ANKRD36B: variants seen among roughly 807,000 people sequenced by gnomAD.
ANKRD36B encodes the protein ankyrin repeat domain-containing protein 36B.
A neutral mutation model predicts 135.7 loss-of-function variants in ANKRD36B; 37 were observed. The observed-to-expected ratio is 0.27, with a 90% CI of 0.21 to 0.36. The LOEUF (loss-of-function observed/expected upper bound fraction) is 0.36, where lower values mean the gene tolerates loss of function less well. Ranked by LOEUF, ANKRD36B falls within the 10% of genes least tolerant of loss-of-function variation. The pLI is 1.00. For synonymous variants in ANKRD36B, 179 were observed against 348.1 expected (o/e 0.51, Z 5.41); for missense variants, 549 against 1,037.1 (o/e 0.53, Z 6.46).
At chr2:97,562,329 T>C (rs11893003) in intron 6 of ANKRD36B, among the ~76,000 whole-genome samples, 5,566 of 152,086 alleles carry the variant, frequency 0.037, 360 homozygotes, top group African/African-American at 0.13. Context: ...TGATTCCTTT[T>C]TTTTAAAATC....
chr2:97,496,765 G>GA (rs1348134760), intron 43 of ANKRD36B, among the ~76,000 whole-genome samples: 8 of 80,958 alleles, frequency 9.9e-5, no homozygotes, highest in Non-Finnish European at 1.2e-4. Flanking sequence ...CTATTGTCCA[G>GA]AAAACGTGTG....
At chr2:97,589,241 A>C (rs1236726959) in intron 1 of ANKRD36B, among the ~76,000 whole-genome samples, 11 of 77,738 alleles carry the variant, frequency 1.4e-4, no homozygotes, top group Non-Finnish European at 2.0e-4. Context: ...CCACGCCCCT[A>C]CCCCCCAAGC....
rs371603113 is a variant in ANKRD36B, at chr2:97,531,328, C to T, written c.2265+983G>A. On this transcript the variant is annotated intron_variant, in intron 35 of 43. Transcript: ENST00000359901. ...AGGACAAAAAACCAAACACTGCATG[C>T]TCTCACTCATAGGTGGGAATTGAAC... is the stretch of plus-strand genomic sequence containing the variant. Among the ~76,000 whole-genome samples the T allele has an allele frequency of 7.9e-5, 6 of 76,202 alleles. No homozygotes were observed. The East Asian group carries it at 1.4e-3, about 18-fold the overall frequency. The allele number at this position is 76,202 out of a possible 152,430, so 50.0% of individuals were successfully genotyped here. A position where few individuals can be genotyped will look rare whatever the true frequency, so the allele number is the denominator to read the frequency against.
chr2:97,579,522 C>T (rs2922605), intron 4 of ANKRD36B, among the ~76,000 whole-genome samples: 3 of 143,712 alleles, frequency 2.1e-5, no homozygotes, highest in African/African-American at 7.6e-5. Flanking sequence ...TAATTAAACA[C>T]TATATATATA....
intron 14 of ANKRD36B, among the ~76,000 whole-genome samples, chr2:97,554,531 G>A (rs1347818768): frequency 7.2e-5 from 11 of 151,804 alleles, no homozygotes; most frequent in Non-Finnish European, 1.6e-4. Flanking sequence ...GTTCACTCAG[G>A]TCTCCTCAGC....
chr2:97,548,521 C>T (rs1295472862), intron 20 of ANKRD36B, among the ~76,000 whole-genome samples: 5 of 151,932 alleles, frequency 3.3e-5, no homozygotes, highest in African/African-American at 4.8e-5. Context: ...CTGCAATATT[C>T]ATTGAAAATG....
At chr2:97,568,530 T>C (rs2081606752) in intron 6 of ANKRD36B, among the ~76,000 whole-genome samples, 1 of 152,158 alleles carries the variant, frequency 6.6e-6, no homozygotes, top group Non-Finnish European at 1.5e-5. Flanking sequence ...ATTCACCCTA[T>C]GTAAGGTACA....
chr2:97,555,231 A>C lies in ANKRD36B; in HGVS notation c.1093T>G (p.Ser365Ala), dbSNP rs1238000971. The change falls in exon 13 of 44, where the codon TCA (serine) becomes GCA (alanine). Residue 365 changes from serine (S) to alanine (A), a missense_variant. Physicochemically the swap from Ser to Ala is moderately conservative, Grantham distance 99. Transcript: ENST00000359901. ...ATAAATGAGAATTTAATTACCTTTG[A>C]GGCTGGTTGTTTCTGAGAAGACACT... ...GTVSSQKQPA[S>A]KTASDKTDSA... 4 of 1,611,228 alleles carry C rather than the reference A, an allele frequency of 2.5e-6. No individual in the cohort carries two copies. Among genetic ancestry groups the C allele is most frequent in the Admixed American group, 3.3e-5 (2 of 59,732 alleles).
chr2:97,586,741 C>G (rs541683517), intron 1 of ANKRD36B, among the ~76,000 whole-genome samples: 1 of 152,252 alleles, frequency 6.6e-6, no homozygotes, highest in Non-Finnish European at 1.5e-5. Flanking sequence ...AAAATTGTTT[C>G]CTTATATGTA....
chr2:97,587,715 AC>A (rs2083118465), intron 1 of ANKRD36B, among the ~76,000 whole-genome samples: 1 of 152,216 alleles, frequency 6.6e-6, no homozygotes. Flanking sequence ...TGTGATACTT[AC>A]CAACAAATTG....
chr2:97,563,251 G>T (rs2081182298), intron 6 of ANKRD36B, among the ~76,000 whole-genome samples: 1 of 151,784 alleles, frequency 6.6e-6, no homozygotes, highest in African/African-American at 2.4e-5. Context: ...AAACATGTCA[G>T]TAATTGACAT....
chr2:97,558,936 A>T, intron 9 of ANKRD36B, 30 bp downstream of exon 9: 3 of 1,606,254 alleles, frequency 1.9e-6, no homozygotes, highest in Non-Finnish European at 2.5e-6. Flanking sequence ...TACGGTTAAT[A>T]GTTCAACATA....
intron 6 of ANKRD36B, among the ~76,000 whole-genome samples, chr2:97,566,781 T>C (rs1351016743): frequency 1.3e-5 from 2 of 152,104 alleles, no homozygotes; most frequent in African/African-American, 4.8e-5. Flanking sequence ...ATATTCAACA[T>C]GATGTTCCTC....
chr2:97,559,015 A>G, intron 8 of ANKRD36B, 21 bp from the exon 9 acceptor site: 1 of 1,603,032 alleles, frequency 6.2e-7, no homozygotes, highest in East Asian at 2.2e-5. Flanking sequence ...AAAGGGAAAC[A>G]TAATCACTCA....
intron 8 of ANKRD36B, among the ~76,000 whole-genome samples, chr2:97,560,386 T>C (rs201800024): frequency 2.6e-5 from 4 of 151,980 alleles, no homozygotes; most frequent in African/African-American, 9.6e-5. Context: ...AAAATTAAAG[T>C]AAAATTATGC....
At chr2:97,566,660 G>A (rs1370979147) in intron 6 of ANKRD36B, among the ~76,000 whole-genome samples, 1 of 152,106 alleles carries the variant, frequency 6.6e-6, no homozygotes, top group Non-Finnish European at 1.5e-5. Flanking sequence ...GGCATCATTA[G>A]TAGAATCAAT....
intron 35 of ANKRD36B, among the ~76,000 whole-genome samples, chr2:97,530,645 C>T (rs1238198942): frequency 1.0e-5 from 1 of 95,646 alleles, no homozygotes; most frequent in Non-Finnish European, 2.8e-5. Flanking sequence ...AAAATTTTCA[C>T]AACCTACTCA....
chr2:97,586,930 T>C (rs1162784716), intron 1 of ANKRD36B, among the ~76,000 whole-genome samples: 3 of 152,126 alleles, frequency 2.0e-5, no homozygotes. Context: ...TCCCAGAACT[T>C]TGGGAGGCCG....
rs1367913419 is a variant in ANKRD36B, at chr2:97,545,793, T to C, written c.1608+40A>G. On this transcript the variant is annotated intron_variant, in intron 23 of 43. Transcript: ENST00000359901. ...TAAATAAAGTATATTTCATAGACTA[T>C]ACAGTTAATAGTTCAAAATACAAAA... 4.2e-6 allele frequency: 4 copies of C among 959,442 alleles called. 1 individual carries two copies. The East Asian group carries it at 1.0e-4, about 24-fold the overall frequency. The allele number at this position is 959,442 out of a possible 1,614,324, so 59.4% of individuals were successfully genotyped here.
Sources: gnomAD v4.1 joint callset for allele counts (sites outside exome capture counted in the v4.1 genomes callset) on GRCh38, gnomAD v4.1.1 for gene constraint, MANE v1.5 for transcripts, NCBI Gene and HGNC (gene_info 2026-07-23, HGNC 2026-07-21) for gene names.